Variants in CDIN1 observed in about 807,000 individuals in gnomAD.
CDIN1 encodes CDAN1 interacting nuclease 1.
Under a neutral mutation model 45.3 loss-of-function variants are expected in CDIN1, and 33 were observed. The observed-to-expected ratio is 0.73, with a 90% confidence interval of 0.55 to 0.97. The LOEUF is 0.97. CDIN1 is among the 50% of genes least tolerant of loss of function. CDIN1 has a pLI of 0.00. For synonymous variants in CDIN1, 118 were observed against 124.4 expected, an observed-to-expected ratio of 0.95 and a Z score of 0.34; for missense variants, 303 against 339.4, an observed-to-expected ratio of 0.89 and a Z score of 0.84.
chr15:36,616,967 T>C (rs995732002), intron 1 of CDIN1: 8 of 581,884 alleles, frequency 1.4e-5, no homozygotes, highest in African/African-American at 7.5e-5. Flanking sequence ...ATTGTAAAAG[T>C]ATTATACCTT....
At chr15:36,587,074 G>A (rs2037336732) in intron 1 of CDIN1, among the ~76,000 whole-genome samples, 1 of 152,188 alleles carries the variant, frequency 6.6e-6, no homozygotes, top group African/African-American at 2.4e-5. Flanking sequence ...CTGTACTAAT[G>A]ACTCAAACTC....
At chr15:36,796,000 A>C (rs1248663138) in intron 10 of CDIN1, among the ~76,000 whole-genome samples, 1 of 152,170 alleles carries the variant, frequency 6.6e-6, no homozygotes, top group African/African-American at 2.4e-5. Flanking sequence ...CCTACCCCTC[A>C]GTTCTGCGTT....
chr15:36,651,479 T>C (rs1479272238), intron 3 of CDIN1, among the ~76,000 whole-genome samples: 1 of 152,254 alleles, frequency 6.6e-6, no homozygotes, highest in Non-Finnish European at 1.5e-5. Context: ...AAATAGAGCC[T>C]GATCTGTCAC....
chr15:36,679,700 A>G (rs1401606676), intron 5 of CDIN1, among the ~76,000 whole-genome samples: 1 of 152,178 alleles, frequency 6.6e-6, no homozygotes, highest in African/African-American at 2.4e-5. Flanking sequence ...GAGGTCTTAA[A>G]CTTATGCATC....
intron 10 of CDIN1, among the ~76,000 whole-genome samples, chr15:36,737,234 A>G (rs1287779846): frequency 1.3e-5 from 2 of 152,012 alleles, no homozygotes; most frequent in Non-Finnish European, 2.9e-5. Context: ...GCAGGTTCCA[A>G]TACCTGGGTC....
chr15:36,710,647 C>T (rs947893771), intron 10 of CDIN1, among the ~76,000 whole-genome samples: 1 of 152,178 alleles, frequency 6.6e-6, no homozygotes, highest in Non-Finnish European at 1.5e-5. Flanking sequence ...TTGTCATTTA[C>T]AATACAACCT....
chr15:36,793,612 C>A (rs2054705820), intron 10 of CDIN1, among the ~76,000 whole-genome samples: 1 of 152,196 alleles, frequency 6.6e-6, no homozygotes, highest in South Asian at 2.1e-4. Context: ...CTTATCCTGC[C>A]CTTTGGATCC....
rs142118111 is a variant in CDIN1, at chr15:36,682,674, A to T, written c.347-9011A>T. Among the ~76,000 whole-genome samples, 189 of 145,942 alleles carry T rather than the reference A, an allele frequency of 1.3e-3. 1 individual carries two copies. The highest frequency in any genetic ancestry group is 4.4e-3 in the African/African-American group (174 of 39,820). On this transcript the variant is annotated intron_variant, in intron 5 of 10. Coordinates refer to ENST00000566621, the MANE Select transcript of CDIN1 (RefSeq NM_001321759.2). ...AGTCCCAGCTACCAGGGAGACTGAG[A>T]TGGGAGGGTATATTGAGCCTGGAAG...
chr15:36,594,101 T>C (rs1000818218), intron 1 of CDIN1, among the ~76,000 whole-genome samples: 3 of 152,218 alleles, frequency 2.0e-5, no homozygotes, highest in South Asian at 2.1e-4. Flanking sequence ...TAGTAATGAA[T>C]TGGGCAAGAC....
intron 10 of CDIN1, chr15:36,747,169 A>G (rs2044476172): frequency 1.8e-5 from 7 of 393,086 alleles, no homozygotes; most frequent in Admixed American, 8.9e-5. Flanking sequence ...TCCTCATCTT[A>G]AACAATAAGT....
At chr15:36,743,272 G>A (rs187578272) in intron 10 of CDIN1, among the ~76,000 whole-genome samples, 315 of 152,230 alleles carry the variant, frequency 2.1e-3, no homozygotes, top group Admixed American at 3.4e-3. Context: ...GGAATAGATT[G>A]GAAAGGAAAG....
intron 1 of CDIN1, among the ~76,000 whole-genome samples, chr15:36,582,387 T>A (rs2037088403): frequency 6.6e-6 from 1 of 152,218 alleles, no homozygotes; most frequent in East Asian, 1.9e-4. Context: ...AGGGTTGAGA[T>A]TTAATGCAAT....
intron 1 of CDIN1, among the ~76,000 whole-genome samples, chr15:36,614,386 C>T (rs2038789092): frequency 6.6e-6 from 1 of 151,860 alleles, no homozygotes; most frequent in African/African-American, 2.4e-5. Flanking sequence ...CCAGAGATTC[C>T]AGCTGGGCTA....
chr15:36,654,526 A>AC (rs1314523614), intron 4 of CDIN1, among the ~76,000 whole-genome samples: 6 of 151,742 alleles, frequency 4.0e-5, no homozygotes, highest in Non-Finnish European at 8.8e-5. Context: ...AAAAAAAAAA[A>AC]AAAAAACTGC....
intron 1 of CDIN1, chr15:36,613,487 A>C (rs1477628269): frequency 1.3e-6 from 2 of 1,550,472 alleles, no homozygotes; most frequent in African/African-American, 2.7e-5. Context: ...TGGGATCACC[A>C]CCATCAAGGC....
intron 10 of CDIN1, among the ~76,000 whole-genome samples, chr15:36,725,914 A>G (rs894781428): frequency 2.6e-5 from 4 of 152,198 alleles, no homozygotes; most frequent in Non-Finnish European, 5.9e-5. Flanking sequence ...TGCTGTCTCC[A>G]CAGCTAATAA....
intron 1 of CDIN1, among the ~76,000 whole-genome samples, chr15:36,595,707 G>A (rs1333128234): frequency 6.6e-6 from 1 of 152,210 alleles, no homozygotes; most frequent in Non-Finnish European, 1.5e-5. Context: ...CATGCTTTCA[G>A]GACATAACGA....
Position 36,709,285 on chromosome 15 carries a change from G to A in CDIN1, c.607G>A (p.Val203Ile), listed in dbSNP as rs370422637. 6.2e-7 allele frequency: 1 copy of A among 1,600,006 alleles called. No homozygotes were observed. Among genetic ancestry groups the A allele is most frequent in the Non-Finnish European group, 8.5e-7 (1 of 1,172,774 alleles). Residue 203 changes from valine to isoleucine, a missense_variant, in exon 9 of 11, where the codon GTT (valine) becomes ATT (isoleucine). Coordinates refer to ENST00000566621, the MANE Select transcript of CDIN1 (RefSeq NM_001321759.2). Reference sequence around the variant, plus strand: ...ACCAGACTTCATTTTACAAGTACCAGTTGGTAAGTTCTTTAACTCTGTTAT... The same window carrying A: ...ACCAGACTTCATTTTACAAGTACCAATTGGTAAGTTCTTTAACTCTGTTAT... ...KTPDFILQVP[V>I]AVEGHIIHWI...
chr15:36,605,887 A>G (rs993197854), intron 1 of CDIN1, among the ~76,000 whole-genome samples: 10 of 152,228 alleles, frequency 6.6e-5, no homozygotes, highest in African/African-American at 1.7e-4. Context: ...CTAAAAGTTC[A>G]GTGAACGGCT....
Sources: allele counts gnomAD v4.1 joint callset (sites outside exome capture counted in the v4.1 genomes callset), GRCh38; gene constraint gnomAD v4.1.1; transcripts MANE v1.5; gene names NCBI Gene and HGNC (gene_info 2026-07-23, HGNC 2026-07-21).